MROH1: variants seen among roughly 807,000 people sequenced by gnomAD.
The protein encoded by MROH1 is maestro heat-like repeat-containing protein family member 1.
In MROH1, 117 loss-of-function variants were observed where a neutral mutation model predicts 116.5. That is an observed-to-expected ratio of 1.00 (90% confidence interval 0.86 to 1.17). The LOEUF is 1.17. MROH1 is among the 50% of genes most tolerant of loss of function. MROH1 has a pLI of 0.00. For missense variants in MROH1, 1,873 were observed against 1,338.5 expected, an observed-to-expected ratio of 1.40 and a Z score of -6.23; for synonymous variants, 921 against 583.9, an observed-to-expected ratio of 1.58 and a Z score of -8.32.
chr8:144,150,510 G>C (rs1816467465), intron 1 of MROH1, among the ~76,000 whole-genome samples: 1 of 152,214 alleles, frequency 6.6e-6, no homozygotes, highest in Non-Finnish European at 1.5e-5. Flanking sequence ...TTCAGGTTCT[G>C]CTACTGGCAC....
intron 12 of MROH1, among the ~76,000 whole-genome samples, chr8:144,209,905 CAAA>C (rs35823965): frequency 7.3e-5 from 8 of 109,810 alleles, no homozygotes; most frequent in East Asian, 2.5e-4. Context: ...GACCCTGTCT[CAAA>C]AAAAAAAAAA....
chr8:144,151,953 T>C lies in MROH1; in HGVS notation c.-177+3877T>C, dbSNP rs1816907570. ...TTCAACCTAGGGGCAGTCAGCACAG[T>C]CCCCATATGTCTGCCGGCGATCTCT... On this transcript the variant is annotated intron_variant, in intron 1 of 43. Transcript: ENST00000326134. 2.6e-5 allele frequency among the ~76,000 whole-genome samples: 4 copies of C among 152,246 alleles called. No individual in the cohort carries two copies. In the South Asian group the frequency reaches 8.3e-4, roughly 32 times the overall value.
At chr8:144,241,949 A>G (rs1320833032) in intron 22 of MROH1, among the ~76,000 whole-genome samples, 5 of 152,198 alleles carry the variant, frequency 3.3e-5, no homozygotes, top group African/African-American at 1.2e-4. Context: ...TCCCAGTTAC[A>G]GCATCTCAGG....
chr8:144,237,411 C>T lies in MROH1; in HGVS notation c.1339-1345C>T, dbSNP rs1000720591. On this transcript the variant is annotated intron_variant, in intron 14 of 43. Coordinates refer to ENST00000326134, the MANE Select transcript of MROH1 (RefSeq NM_032450.3). ...GGCGCAGGACGGTGTCCCAGCTCAC[C>T]TGGGGCTGCCCGTGCCTCTGCTCTG... is the stretch of plus-strand genomic sequence containing the variant. Among the ~76,000 whole-genome samples, 604 of 152,346 alleles carry T rather than the reference C, an allele frequency of 4.0e-3. 3 individuals are homozygous for T. Among genetic ancestry groups the T allele is most frequent in the Middle Eastern group, 0.014 (4 of 294 alleles).
At position 144,191,752 on chromosome 8, in the gene MROH1, G is replaced by C; in HGVS notation, c.752G>C (p.Ser251Thr). The change falls in exon 9 of 44, where the codon AGC (serine) becomes ACC (threonine). Residue 251 changes from serine to threonine, a missense_variant. Ser to Thr is a moderately conservative substitution (Grantham distance 58). Coordinates refer to ENST00000326134, the MANE Select transcript of MROH1 (RefSeq NM_032450.3). The part of the protein sequence containing the change: ...LAVVEALGPM[S>T]HLLPSERLEE... Reference sequence around the variant, plus strand: ...GTGGTGGAGGCTCTGGGGCCTATGAGCCATCTGCTGCCCAGTGAGAGGCTG... The same window carrying C: ...GTGGTGGAGGCTCTGGGGCCTATGACCCATCTGCTGCCCAGTGAGAGGCTG... 6.2e-7 allele frequency: 1 copy of C among 1,613,034 alleles called. No individual in the cohort carries two copies.
intron 1 of MROH1, among the ~76,000 whole-genome samples, chr8:144,159,022 T>C (rs2130767459): frequency 6.6e-6 from 1 of 152,290 alleles, no homozygotes; most frequent in East Asian, 1.9e-4. Flanking sequence ...ATTACAGGTA[T>C]GAGCCACTCT....
intron 1 of MROH1, chr8:144,148,584 A>G (rs1815978560): frequency 1.3e-5 from 2 of 152,552 alleles, no homozygotes; most frequent in Admixed American, 6.5e-5. Context: ...GGGCCTCCGT[A>G]TGCCTTCCGT....
rs35093804 is a variant in MROH1, at chr8:144,215,872, C to CAAA, written c.1142-4716_1142-4714dup. Among the ~76,000 whole-genome samples, 1,025 of 124,954 alleles carry CAAA rather than the reference C, an allele frequency of 8.2e-3. 12 individuals carry two copies. Among genetic ancestry groups the CAAA allele is most frequent in the African/African-American group, 0.029 (963 of 33,612 alleles). The allele number at this position is 124,954 out of a possible 152,430, so 82.0% of individuals were successfully genotyped here. A position where few individuals can be genotyped will look rare whatever the true frequency, so the allele number is the denominator to read the frequency against. ...TGGGTGATAGAGCGAGACTCTGTCGCAAAAAAAAAAAAAAGAAAAATAATG... is the reference window on the plus strand; with the variant it reads ...TGGGTGATAGAGCGAGACTCTGTCGCAAAAAAAAAAAAAAAAAGAAAAATAATG... On this transcript the variant is annotated intron_variant, in intron 12 of 43. Coordinates refer to ENST00000326134, the MANE Select transcript of MROH1 (RefSeq NM_032450.3).
intron 13 of MROH1, among the ~76,000 whole-genome samples, chr8:144,221,733 G>A (rs1225137641): frequency 6.6e-6 from 1 of 152,154 alleles, no homozygotes; most frequent in Non-Finnish European, 1.5e-5. Context: ...ATGCCAGGTG[G>A]CTAAACGCAC....
Position 144,258,775 on chromosome 8 carries a change from A to C in MROH1, c.3792-2A>C, listed in dbSNP as rs1457343464. 1.3e-6 allele frequency: 1 copy of C among 766,542 alleles called. No homozygotes were observed. The highest frequency in any genetic ancestry group is 2.4e-6 in the Non-Finnish European group (1 of 413,464). 47.5% of individuals were successfully genotyped at this position (766,542 alleles called of 1,614,324 possible). ...CAGCTGAGCACCCTGGCAATCCTGCAGCTCTGCAGTGGACACCCTGCGGTC... is the reference window on the plus strand; with the variant it reads ...CAGCTGAGCACCCTGGCAATCCTGCCGCTCTGCAGTGGACACCCTGCGGTC... On this transcript the variant is annotated splice_acceptor_variant, in intron 35 of 43. Coordinates refer to ENST00000326134, the MANE Select transcript of MROH1 (RefSeq NM_032450.3). LOFTEE classifies it high-confidence loss of function.
chr8:144,181,790 ACGGGGCCGCTGGG>A (rs1825782542), intron 7 of MROH1, among the ~76,000 whole-genome samples: 1 of 152,012 alleles, frequency 6.6e-6, no homozygotes, highest in East Asian at 1.9e-4. Flanking sequence ...CGGAGACAGA[ACGGGGCCGCTGGG>A]GCGCCTGTCT....
chr8:144,240,957 G>A (rs1208201392), intron 20 of MROH1, 35 bp from the exon 21 acceptor site: 1 of 723,232 alleles, frequency 1.4e-6, no homozygotes, highest in African/African-American at 1.7e-5. Flanking sequence ...GTACTCAGGA[G>A]TCAGGCAGAG....
chr8:144,261,456 G>A, intron 43 of MROH1, 107 bp downstream of exon 43: 1 of 699,058 alleles, frequency 1.4e-6, no homozygotes, highest in Non-Finnish European at 2.6e-6. Flanking sequence ...CCTGTCACTG[G>A]TGACCTCATC....
intron 12 of MROH1, among the ~76,000 whole-genome samples, chr8:144,212,468 GA>G (rs907904047): frequency 6.6e-6 from 1 of 151,504 alleles, no homozygotes; most frequent in Admixed American, 6.6e-5. Context: ...CTTTTCAGTA[GA>G]CAGAGCTAGG....
In MROH1 at chr8:144,240,100, G is replaced by C; in HGVS notation, c.1775-1G>C. 1 of 778,074 alleles carries C rather than the reference G, an allele frequency of 1.3e-6. No homozygotes were observed. Among genetic ancestry groups the C allele is most frequent in the Non-Finnish European group, 2.4e-6 (1 of 416,844 alleles). The allele number at this position is 778,074 out of a possible 1,614,324, so 48.2% of individuals were successfully genotyped here. On this transcript the variant is annotated splice_acceptor_variant, in intron 18 of 43. Transcript: ENST00000326134. LOFTEE classifies it high-confidence loss of function. ...GCTGGCCTGCGCGGCTGTCGTTTCA[G>C]AGCACACAGAAGAGACCCTGCCACA... is the stretch of plus-strand genomic sequence containing the variant.
chr8:144,253,096 GTGAGC>G (rs1380594544), intron 33 of MROH1, among the ~76,000 whole-genome samples: 3 of 151,886 alleles, frequency 2.0e-5, no homozygotes, highest in Non-Finnish European at 2.9e-5. Context: ...GGAGGTTGCA[GTGAGC>G]TGAGATCGCG....
chr8:144,204,235 C>T (rs1018729155), intron 12 of MROH1, among the ~76,000 whole-genome samples: 1 of 152,146 alleles, frequency 6.6e-6, no homozygotes, highest in African/African-American at 2.4e-5. Context: ...CTCAGCCTCC[C>T]AAGCAGCTGG....
At chr8:144,257,427 C>T (rs1445152840) in intron 35 of MROH1, among the ~76,000 whole-genome samples, 1 of 152,074 alleles carries the variant, frequency 6.6e-6, no homozygotes, top group South Asian at 2.1e-4. Flanking sequence ...CCTGGGCTGC[C>T]GAGACCCCCG....
chr8:144,185,297 G>C (rs1826689038), intron 7 of MROH1, among the ~76,000 whole-genome samples: 1 of 152,116 alleles, frequency 6.6e-6, no homozygotes, highest in African/African-American at 2.4e-5. Context: ...AAGTTTTGTC[G>C]TTACTGTGGT....
Sources: gnomAD v4.1 joint callset for allele counts (sites outside exome capture counted in the v4.1 genomes callset) on GRCh38, gnomAD v4.1.1 for gene constraint, MANE v1.5 for transcripts, NCBI Gene and HGNC (gene_info 2026-07-23, HGNC 2026-07-21) for gene names.